PLEKHA7: variants seen among roughly 807,000 people sequenced by gnomAD.
The protein encoded by PLEKHA7 is pleckstrin homology domain-containing family A member 7.
Under a neutral mutation model 170.0 loss-of-function variants are expected in PLEKHA7, and 104 were observed. The ratio of observed to expected loss-of-function variants is 0.61; its 90% CI spans 0.52 to 0.72. The LOEUF is 0.72. PLEKHA7 is among the 30% of genes least tolerant of loss of function. The pLI, the probability that PLEKHA7 is intolerant of heterozygous loss-of-function variation, is 0.00. For synonymous variants in PLEKHA7, 648 were observed against 660.8 expected, an observed-to-expected ratio of 0.98 and a Z score of 0.30; for missense variants, 1,615 against 1,671.7, an observed-to-expected ratio of 0.97 and a Z score of 0.59.
chr11:16,915,107 C>G (rs1858539976), intron 3 of PLEKHA7, among the ~76,000 whole-genome samples: 1 of 152,172 alleles, frequency 6.6e-6, no homozygotes. Flanking sequence ...GCCGAATTCC[C>G]CAACCCACCT....
rs547702695 is a variant in PLEKHA7 at position 16,990,988 on chromosome 11, G to A, written c.221+23001C>T. On this transcript the variant is annotated intron_variant, in intron 3 of 26. Transcript: ENST00000531066. ...CCCATTTTAATTCACTGTTGTCATTGTGGGCAGATGAGATAGAAAATGTCT... is the reference window on the plus strand; with the variant it reads ...CCCATTTTAATTCACTGTTGTCATTATGGGCAGATGAGATAGAAAATGTCT... 2.6e-5 allele frequency among the ~76,000 whole-genome samples: 4 copies of A among 152,312 alleles called. No homozygotes were observed. In the South Asian group the frequency reaches 8.3e-4, roughly 32 times the overall value.
intron 10 of PLEKHA7, among the ~76,000 whole-genome samples, chr11:16,820,180 G>A (rs1850096216): frequency 6.6e-6 from 1 of 152,194 alleles, no homozygotes; most frequent in Admixed American, 6.5e-5. Context: ...AAGCCCTCCA[G>A]GAGATTCTAG....
chr11:16,871,005 C>T (rs1201166966), intron 4 of PLEKHA7, 94 bp downstream of exon 4: 8 of 948,052 alleles, frequency 8.4e-6, no homozygotes, highest in African/African-American at 1.6e-5. Context: ...GCCCCTCTGT[C>T]TCAGAGAAAA....
chr11:16,790,999 TCC>T lies in PLEKHA7; in HGVS notation c.2934+10_2934+11del, dbSNP rs757696203. On this transcript the variant is annotated intron_variant, in intron 20 of 26. Coordinates refer to ENST00000531066, the MANE Select transcript of PLEKHA7 (RefSeq NM_001329630.2). ...CACATGTAGAGTGGCAGCCCCAGGGTCCCCCGCTCACCCTGGAATCCCCATTC... is the reference window on the plus strand; with the variant it reads ...CACATGTAGAGTGGCAGCCCCAGGGTCCCGCTCACCCTGGAATCCCCATTC... The T allele has an allele frequency of 1.9e-6, 3 of 1,613,074 alleles. No homozygotes were observed. The African/African-American group carries it at 4.0e-5, about 22-fold the overall frequency.
intron 10 of PLEKHA7, among the ~76,000 whole-genome samples, chr11:16,823,179 T>A (rs1050596852): frequency 6.6e-6 from 1 of 151,860 alleles, no homozygotes; most frequent in Non-Finnish European, 1.5e-5. Context: ...AACAAAAAAA[T>A]TTTTTTGGTA....
intron 3 of PLEKHA7, among the ~76,000 whole-genome samples, chr11:16,927,019 G>C (rs1023988127): frequency 3.5e-5 from 5 of 143,836 alleles, no homozygotes; most frequent in African/African-American, 1.2e-4. Context: ...TCTAAAATAA[G>C]AGGTTGGGTC....
chr11:16,802,209 A>T (rs1848639538), intron 15 of PLEKHA7, among the ~76,000 whole-genome samples: 1 of 152,270 alleles, frequency 6.6e-6, no homozygotes, highest in African/African-American at 2.4e-5. Context: ...TGCAAAAGGA[A>T]AAAAATACTT....
Position 16,804,639 on chromosome 11 carries a change from T to A in PLEKHA7, c.2008-1344A>T, listed in dbSNP as rs554631984. On this transcript the variant is annotated intron_variant, in intron 13 of 26. Coordinates refer to ENST00000531066, the MANE Select transcript of PLEKHA7 (RefSeq NM_001329630.2). ...AGAAGAGGACGGAACCATTGTTTTATCTTGGTAAAGTCAGCCCTGAACAGA... is the reference window on the plus strand; with the variant it reads ...AGAAGAGGACGGAACCATTGTTTTAACTTGGTAAAGTCAGCCCTGAACAGA... 1.3e-4 allele frequency among the ~76,000 whole-genome samples: 20 copies of A among 152,338 alleles called. No individual in the cohort carries two copies. The East Asian group carries it at 3.9e-3, about 29-fold the overall frequency.
At position 16,950,010 on chromosome 11, in the gene PLEKHA7, C is replaced by G. The variant is rs117683157; in HGVS notation, c.221+63979G>C. Reference sequence around the variant, plus strand: ...GGTGAGTAGGAGGCCAAGCAGATCTCAGAGAGTGGAGGATGAAAACCAGAC... The same window carrying G: ...GGTGAGTAGGAGGCCAAGCAGATCTGAGAGAGTGGAGGATGAAAACCAGAC... On this transcript the variant is annotated intron_variant, in intron 3 of 26. Coordinates refer to ENST00000531066, the MANE Select transcript of PLEKHA7 (RefSeq NM_001329630.2). 8.1e-3 allele frequency among the ~76,000 whole-genome samples: 1,130 copies of G among 139,330 alleles called. 16 individuals are homozygous for G. Among genetic ancestry groups the G allele is most frequent in the South Asian group, 0.032 (146 of 4,546 alleles). 91.4% of individuals were successfully genotyped at this position (139,330 alleles called of 152,430 possible).
chr11:16,801,793 C>T lies in PLEKHA7; in HGVS notation c.2182G>A (p.Val728Met). 1.2e-6 allele frequency: 2 copies of T among 1,614,168 alleles called. No individual in the cohort carries two copies. The highest frequency in any genetic ancestry group is 1.1e-5 in the South Asian group (1 of 91,078). ...TACTGCTCCATCTGTCTGTGCAACA[C>T]CTCCAGCACAGATTCTAGCTGGTCC... ...NKDQLESVLE[V>M]LHRQMEQYRD... The change falls in exon 16 of 27, where the codon GTG (valine) becomes ATG (methionine). Residue 728 changes from valine to methionine, a missense_variant. Transcript: ENST00000531066.
intron 17 of PLEKHA7, among the ~76,000 whole-genome samples, chr11:16,797,473 G>A (rs763772906): frequency 2.6e-5 from 4 of 152,126 alleles, no homozygotes; most frequent in East Asian, 1.9e-4. Context: ...TACATGCTAC[G>A]TGAATAAAGG....
At chr11:16,818,646 A>G (rs1207180554) in intron 10 of PLEKHA7, among the ~76,000 whole-genome samples, 1 of 152,220 alleles carries the variant, frequency 6.6e-6, no homozygotes, top group Non-Finnish European at 1.5e-5. Context: ...AAAATTCTTG[A>G]AAGACAGGAA....
intron 3 of PLEKHA7, among the ~76,000 whole-genome samples, chr11:16,937,212 C>T (rs1310575644): frequency 6.6e-6 from 1 of 152,208 alleles, no homozygotes; most frequent in East Asian, 1.9e-4. Context: ...GAAGACACTA[C>T]AAGAATCAGT....
intron 3 of PLEKHA7, among the ~76,000 whole-genome samples, chr11:16,969,069 G>A (rs755479021): frequency 6.6e-6 from 1 of 152,180 alleles, no homozygotes; most frequent in Non-Finnish European, 1.5e-5. Flanking sequence ...GGAAACTGAA[G>A]GGGTTTTAGG....
intron 23 of PLEKHA7, 137 bp downstream of exon 23, chr11:16,788,959 C>CCG: frequency 1.8e-6 from 2 of 1,117,682 alleles, no homozygotes; most frequent in East Asian, 5.2e-5. Context: ...ACAAACAGCC[C>CCG]CGTGGGGTGT....
intron 17 of PLEKHA7, among the ~76,000 whole-genome samples, chr11:16,797,566 G>A (rs1848318645): frequency 6.6e-6 from 1 of 152,150 alleles, no homozygotes; most frequent in Non-Finnish European, 1.5e-5. Context: ...CCCAAGGTGG[G>A]GCTCACAGTT....
chr11:16,832,231 G>A (rs1224123074), intron 9 of PLEKHA7, among the ~76,000 whole-genome samples: 7 of 152,114 alleles, frequency 4.6e-5, no homozygotes, highest in Admixed American at 4.6e-4. Flanking sequence ...TCCTGCTATG[G>A]GAGAAAACTA....
intron 3 of PLEKHA7, among the ~76,000 whole-genome samples, chr11:16,892,439 G>A (rs1156480122): frequency 1.0e-5 from 1 of 97,724 alleles, no homozygotes; most frequent in Non-Finnish European, 2.6e-5. Flanking sequence ...TGTGTGTTTT[G>A]TTTTGTTTTG....
At chr11:16,912,807 C>T (rs979640175) in intron 3 of PLEKHA7, among the ~76,000 whole-genome samples, 4 of 152,188 alleles carry the variant, frequency 2.6e-5, no homozygotes, top group African/African-American at 9.6e-5. Context: ...GATATTCTCA[C>T]AGGTGCTGCA....
Sources: gnomAD v4.1 joint callset for allele counts (sites outside exome capture counted in the v4.1 genomes callset) on GRCh38, gnomAD v4.1.1 for gene constraint, MANE v1.5 for transcripts, NCBI Gene and HGNC (gene_info 2026-07-23, HGNC 2026-07-21) for gene names.